Variants in SHISA9 observed in about 807,000 individuals in gnomAD.
The protein encoded by SHISA9 is protein shisa-9.
A neutral mutation model predicts 38.0 loss-of-function variants in SHISA9; 13 were observed. The observed-to-expected ratio is 0.34, with a 90% CI of 0.22 to 0.54. SHISA9 has a LOEUF of 0.54. SHISA9 is among the 20% of genes least tolerant of loss of function. SHISA9 has a pLI of 0.91. For synonymous variants in SHISA9, 275 were observed against 242.0 expected (o/e 1.14, Z -1.27); for missense variants, 538 against 575.8 (o/e 0.93, Z 0.67).
intron 2 of SHISA9, among the ~76,000 whole-genome samples, chr16:12,976,069 T>C (rs1486395316): frequency 6.6e-6 from 1 of 152,096 alleles, no homozygotes; most frequent in East Asian, 1.9e-4. Context: ...TCTTTCCTAC[T>C]TATTGCTCTA....
chr16:13,302,234 A>G, the SHISA9 span, among the ~76,000 whole-genome samples: 1 of 152,184 alleles, frequency 6.6e-6, no homozygotes. Flanking sequence ...ACTTAGATGC[A>G]CAGGCAGGAA....
At chr16:13,403,342 C>T in the SHISA9 span, among the ~76,000 whole-genome samples, 1 of 152,138 alleles carries the variant, frequency 6.6e-6, no homozygotes, top group Non-Finnish European at 1.5e-5. Context: ...TTTTAAATAG[C>T]TCTTTTATTC....
intron 2 of SHISA9, among the ~76,000 whole-genome samples, chr16:13,004,883 G>C (rs2072575872): frequency 6.8e-6 from 1 of 146,418 alleles, no homozygotes; most frequent in Non-Finnish European, 1.5e-5. Flanking sequence ...AGTGAGCCTA[G>C]ATCATGCCAC....
intron 2 of SHISA9, among the ~76,000 whole-genome samples, chr16:13,057,500 TA>T (rs527859096): frequency 5.9e-5 from 9 of 152,280 alleles, no homozygotes; most frequent in African/African-American, 2.2e-4. Context: ...TATTAAAATG[TA>T]GATTCTTGGG....
At chr16:13,269,069 G>A in the SHISA9 span, among the ~76,000 whole-genome samples, 1 of 152,178 alleles carries the variant, frequency 6.6e-6, no homozygotes, top group Non-Finnish European at 1.5e-5. Flanking sequence ...GAAGTAACAT[G>A]TGCAGAAGAC....
At chr16:13,353,874 T>C in the SHISA9 span, among the ~76,000 whole-genome samples, 1 of 152,166 alleles carries the variant, frequency 6.6e-6, no homozygotes, top group Admixed American at 6.5e-5. Context: ...GAAAAACTGC[T>C]TGGCTGATTT....
chr16:12,978,318 T>C (rs1295508721), intron 2 of SHISA9, among the ~76,000 whole-genome samples: 1 of 152,214 alleles, frequency 6.6e-6, no homozygotes, highest in African/African-American at 2.4e-5. Context: ...TTTTCATAAG[T>C]GCAGCCCTGT....
chr16:13,347,802 A>G, the SHISA9 span, among the ~76,000 whole-genome samples: 2 of 149,772 alleles, frequency 1.3e-5, no homozygotes, highest in Non-Finnish European at 1.5e-5. Context: ...GAGCTCCTCA[A>G]TTTTTTTTCT....
chr16:13,035,779 C>T (rs2073052607), intron 2 of SHISA9, among the ~76,000 whole-genome samples: 1 of 152,116 alleles, frequency 6.6e-6, no homozygotes, highest in African/African-American at 2.4e-5. Flanking sequence ...GATCTGCCTG[C>T]CAATAACTTC....
intron 2 of SHISA9, among the ~76,000 whole-genome samples, chr16:13,088,652 A>T (rs892058327): frequency 6.6e-6 from 1 of 152,184 alleles, no homozygotes; most frequent in Non-Finnish European, 1.5e-5. Flanking sequence ...ATTTTTGCAC[A>T]TTGATTTTGT....
At chr16:13,108,118 G>C (rs1038729232) in intron 2 of SHISA9, among the ~76,000 whole-genome samples, 12 of 151,810 alleles carry the variant, frequency 7.9e-5, no homozygotes, top group African/African-American at 2.7e-4. Flanking sequence ...TATCCAAAGA[G>C]AGCCCCCCTC....
chr16:13,485,029 C>CTT, the SHISA9 span, among the ~76,000 whole-genome samples: 5 of 146,562 alleles, frequency 3.4e-5, no homozygotes, highest in South Asian at 2.2e-4. Flanking sequence ...GCCTCTTGTT[C>CTT]TTTTTTTTTT....
chr16:13,295,812 A>G, the SHISA9 span, among the ~76,000 whole-genome samples: 4 of 152,206 alleles, frequency 2.6e-5, no homozygotes, highest in Admixed American at 1.3e-4. Context: ...TAGAGGACCA[A>G]TGCATGAAGT....
At chr16:12,945,964 C>T (rs35132498) in intron 2 of SHISA9, among the ~76,000 whole-genome samples, 6,175 of 152,258 alleles carry the variant, frequency 0.041, 383 homozygotes, top group African/African-American at 0.14. Context: ...AAAAATTAGC[C>T]GGATGTGGTG....
rs781226390 is a variant in SHISA9, at chr16:12,924,802, G to A, written c.691+7987G>A. Among the ~76,000 whole-genome samples the A allele has an allele frequency of 1.2e-4, 18 of 152,306 alleles. 1 individual carries two copies. In the Middle Eastern group the frequency reaches 0.017, roughly 144 times the overall value. ...GTGCAATGAAGAAGTGGGGGACACA[G>A]ACTTGAGGGGTAGACAACCAAGATT... On this transcript the variant is annotated intron_variant, in intron 2 of 4. Coordinates refer to ENST00000558583, the MANE Select transcript of SHISA9 (RefSeq NM_001145204.3).
At chr16:13,317,622 A>G in the SHISA9 span, among the ~76,000 whole-genome samples, 7 of 152,030 alleles carry the variant, frequency 4.6e-5, no homozygotes, top group Admixed American at 4.6e-4. Context: ...CCTAACCCCT[A>G]TGCACCTCAG....
chr16:13,140,372 T>C (rs1027953542), intron 2 of SHISA9, among the ~76,000 whole-genome samples: 2 of 151,930 alleles, frequency 1.3e-5, no homozygotes, highest in African/African-American at 4.8e-5. Context: ...AGACAGGGTT[T>C]CACTGTGTTG....
the SHISA9 span, among the ~76,000 whole-genome samples, chr16:13,257,367 C>T: frequency 1.3e-5 from 2 of 152,132 alleles, no homozygotes; most frequent in East Asian, 1.9e-4. Flanking sequence ...CTGGGACTCT[C>T]CTTTCTGATC....
chr16:13,023,290 A>C (rs974015742), intron 2 of SHISA9, among the ~76,000 whole-genome samples: 1 of 152,136 alleles, frequency 6.6e-6, no homozygotes, highest in African/African-American at 2.4e-5. Context: ...TGTCCTTATG[A>C]TAATTTGCTG....
Sources: allele counts gnomAD v4.1 joint callset (sites outside exome capture counted in the v4.1 genomes callset), GRCh38; gene constraint gnomAD v4.1.1; transcripts MANE v1.5; gene names NCBI Gene and HGNC (gene_info 2026-07-23, HGNC 2026-07-21).